Variants in ANKS1B observed in about 807,000 individuals in gnomAD.
ANKS1B encodes the protein ankyrin repeat and sterile alpha motif domain-containing protein 1B.
In ANKS1B, 36 loss-of-function variants were observed where a neutral mutation model predicts 148.3. The ratio of observed to expected loss-of-function variants is 0.24; its 90% CI spans 0.19 to 0.32. The LOEUF (loss-of-function observed/expected upper bound fraction) is 0.32. Among genes scored for constraint, ANKS1B ranks in the 10% least tolerant of loss-of-function variants. ANKS1B has a pLI of 1.00. For synonymous variants in ANKS1B, 542 were observed against 560.8 expected, an observed-to-expected ratio of 0.97 and a Z score of 0.47; for missense variants, 1,157 against 1,542.6, an observed-to-expected ratio of 0.75 and a Z score of 4.19.
At chr12:99,380,803 T>TCC (rs58741319) in intron 12 of ANKS1B, among the ~76,000 whole-genome samples, 11,553 of 108,938 alleles carry the variant, frequency 0.11, 614 homozygotes, top group African/African-American at 0.21. Flanking sequence ...CTTCCTTCCT[T>TCC]TCTCATGCTC....
intron 9 of ANKS1B, among the ~76,000 whole-genome samples, chr12:99,571,556 C>T (rs1342214636): frequency 6.6e-6 from 1 of 152,072 alleles, no homozygotes; most frequent in Admixed American, 6.5e-5. Context: ...AAATATATAA[C>T]ACAAACATGT....
chr12:99,083,876 G>A (rs943904837), intron 16 of ANKS1B: 11 of 152,044 alleles, frequency 7.2e-5, no homozygotes, highest in African/African-American at 4.8e-5. Flanking sequence ...AGACGAGATC[G>A]GGCACGTTCA....
At chr12:99,234,346 G>C (rs1601908793) in intron 14 of ANKS1B, among the ~76,000 whole-genome samples, 1 of 152,092 alleles carries the variant, frequency 6.6e-6, no homozygotes, top group African/African-American at 2.4e-5. Context: ...AGGGTACTCT[G>C]GAATTTTATG....
intron 9 of ANKS1B, among the ~76,000 whole-genome samples, chr12:99,557,725 T>C (rs141097615): frequency 1.3e-5 from 2 of 152,236 alleles, no homozygotes; most frequent in Non-Finnish European, 2.9e-5. Flanking sequence ...TCATTCTGAA[T>C]ACAAAGACAA....
chr12:99,656,469 CAGAG>C (rs946722300), intron 8 of ANKS1B, among the ~76,000 whole-genome samples: 8 of 152,006 alleles, frequency 5.3e-5, no homozygotes, highest in African/African-American at 1.9e-4. Flanking sequence ...ATAGTATCCT[CAGAG>C]AGAAGATATT....
At chr12:99,792,152 GGA>G (rs2065734890) in intron 4 of ANKS1B, among the ~76,000 whole-genome samples, 1 of 151,730 alleles carries the variant, frequency 6.6e-6, no homozygotes, top group Non-Finnish European at 1.5e-5. Context: ...TAGAAGAAAT[GGA>G]TAAATTCCTA....
chr12:99,231,537 T>C (rs2086847759), intron 14 of ANKS1B, among the ~76,000 whole-genome samples: 1 of 152,090 alleles, frequency 6.6e-6, no homozygotes, highest in Non-Finnish European at 1.5e-5. Context: ...TTTTGAGAAT[T>C]GAATACAAAA....
intron 9 of ANKS1B, among the ~76,000 whole-genome samples, chr12:99,542,296 T>C (rs1037228221): frequency 2.6e-5 from 4 of 152,092 alleles, no homozygotes; most frequent in African/African-American, 7.2e-5. Flanking sequence ...TAAATTTAAA[T>C]AAAATTTCAT....
intron 11 of ANKS1B, among the ~76,000 whole-genome samples, chr12:99,418,454 ATT>A (rs1467189216): frequency 1.3e-5 from 2 of 152,100 alleles, no homozygotes; most frequent in Admixed American, 6.6e-5. Flanking sequence ...CAGAAATACA[ATT>A]TTTTTATGTG....
intron 17 of ANKS1B, among the ~76,000 whole-genome samples, chr12:98,968,324 C>A (rs2099880335): frequency 6.6e-6 from 1 of 152,004 alleles, no homozygotes; most frequent in Admixed American, 6.6e-5. Context: ...TTAACAGGAC[C>A]CCCCACCACC....
At chr12:99,622,056 C>T (rs2098059228) in intron 9 of ANKS1B, among the ~76,000 whole-genome samples, 1 of 151,998 alleles carries the variant, frequency 6.6e-6, no homozygotes, top group Admixed American at 6.6e-5. Flanking sequence ...CAACCATACC[C>T]ATGGACCAGA....
intron 1 of ANKS1B, among the ~76,000 whole-genome samples, chr12:99,948,715 A>C (rs2095137803): frequency 6.6e-6 from 1 of 152,218 alleles, no homozygotes; most frequent in African/African-American, 2.4e-5. Context: ...GCAATGTAGG[A>C]GAAAACAGAT....
intron 15 of ANKS1B, among the ~76,000 whole-genome samples, chr12:99,100,473 CAA>C (rs1191330935): frequency 6.6e-6 from 1 of 152,122 alleles, no homozygotes; most frequent in Non-Finnish European, 1.5e-5. Context: ...TAAAGAAGCT[CAA>C]AGTCACTGGG....
intron 14 of ANKS1B, chr12:99,155,107 G>A: frequency 6.6e-7 from 1 of 1,512,194 alleles, no homozygotes; most frequent in Non-Finnish European, 8.8e-7. Flanking sequence ...ATTTGTTGTG[G>A]AATTTTACGT....
At chr12:99,042,968 C>A (rs1052148885) in intron 17 of ANKS1B, among the ~76,000 whole-genome samples, 1 of 152,220 alleles carries the variant, frequency 6.6e-6, no homozygotes, top group South Asian at 2.1e-4. Flanking sequence ...AGGAGAAGAC[C>A]TTGTGTTCCC....
intron 11 of ANKS1B, among the ~76,000 whole-genome samples, chr12:99,430,526 G>A (rs1343459879): frequency 1.3e-5 from 2 of 152,140 alleles, no homozygotes; most frequent in Admixed American, 1.3e-4. Context: ...TTATTGTTAG[G>A]ATGAACTTCT....
At chr12:99,545,396 A>T (rs929124687) in intron 9 of ANKS1B, among the ~76,000 whole-genome samples, 7 of 152,158 alleles carry the variant, frequency 4.6e-5, no homozygotes, top group Non-Finnish European at 8.8e-5. Context: ...ATATAAACAA[A>T]CTAAAAGGCG....
At chr12:98,982,509 C>T (rs1424742588) in intron 17 of ANKS1B, among the ~76,000 whole-genome samples, 1 of 152,202 alleles carries the variant, frequency 6.6e-6, no homozygotes, top group Non-Finnish European at 1.5e-5. Flanking sequence ...TTCCCTCCCT[C>T]TTAGAAATGA....
At chr12:99,484,764 G>GTGTTTTT (rs1379667187) in intron 10 of ANKS1B, among the ~76,000 whole-genome samples, 1 of 63,756 alleles carries the variant, frequency 1.6e-5, no homozygotes, top group African/African-American at 7.5e-5. Context: ...GTGTGTGTGT[G>GTGTTTTT]TTTTTTTTTT....
Sources: allele counts gnomAD v4.1 joint callset (sites outside exome capture counted in the v4.1 genomes callset), GRCh38; gene constraint gnomAD v4.1.1; transcripts MANE v1.5; gene names NCBI Gene and HGNC (gene_info 2026-07-23, HGNC 2026-07-21).